The following SGCZ variants were observed in gnomAD, a reference collection of about 807,000 sequenced individuals.
SGCZ encodes zeta-sarcoglycan.
In SGCZ, 40 loss-of-function variants were observed where a neutral mutation model predicts 41.3. The observed-to-expected ratio is 0.97, with a 90% confidence interval of 0.75 to 1.26. SGCZ has a LOEUF of 1.26. Among genes scored for constraint, SGCZ ranks in the 50% most tolerant of loss-of-function variants. The probability of loss-of-function intolerance (pLI) is 0.00; values close to 1 mark genes in which losing one functional copy is unlikely to be tolerated. For synonymous variants in SGCZ, 206 were observed against 137.5 expected (o/e 1.50, Z -3.49); for missense variants, 552 against 369.8 (o/e 1.49, Z -4.04).
chr8:14,091,804 C>G (rs894189491), intron 7 of SGCZ, among the ~76,000 whole-genome samples: 3 of 152,094 alleles, frequency 2.0e-5, no homozygotes, highest in Non-Finnish European at 4.4e-5. Context: ...ATGATAGTTT[C>G]TTTTGCTGGG....
rs572015361 is a variant in SGCZ, at chr8:14,281,033, T to C, written c.336+43070A>G. Among the ~76,000 whole-genome samples the C allele has an allele frequency of 4.6e-5, 7 of 152,060 alleles. No individual in the cohort carries two copies. The South Asian group carries it at 8.3e-4, about 18-fold the overall frequency. ...AAATTTATTTCCCTGCTAATCTATA[T>C]ACTTCATCACAACTATAAAATTTGA... On this transcript the variant is annotated intron_variant, in intron 3 of 7. Coordinates refer to ENST00000382080, the MANE Select transcript of SGCZ (RefSeq NM_139167.4).
chr8:15,116,457 AG>A (rs1486194800), intron 1 of SGCZ, among the ~76,000 whole-genome samples: 1 of 152,166 alleles, frequency 6.6e-6, no homozygotes, highest in Non-Finnish European at 1.5e-5. Context: ...GTGAGTGAAA[AG>A]TTTAGCATAT....
At chr8:14,317,800 C>G (rs1801766911) in intron 3 of SGCZ, among the ~76,000 whole-genome samples, 1 of 151,822 alleles carries the variant, frequency 6.6e-6, no homozygotes, top group Admixed American at 6.6e-5. Context: ...TTTGCACCAA[C>G]CTAACACAAA....
rs551966677 is a variant in SGCZ at position 14,319,124 on chromosome 8, T to C, written c.336+4979A>G. Among the ~76,000 whole-genome samples the C allele has an allele frequency of 3.3e-5, 5 of 152,140 alleles. No homozygotes were observed. In the South Asian group the frequency reaches 1.0e-3, roughly 31 times the overall value. The stretch of plus-strand genomic sequence containing the variant: ...CAAAGATGACCTAACATAAGAATTA[T>C]TGCTTTCTCTGAAGTAGAAGAAACC... On this transcript the variant is annotated intron_variant, in intron 3 of 7. Coordinates refer to ENST00000382080, the MANE Select transcript of SGCZ (RefSeq NM_139167.4).
chr8:14,431,493 G>C (rs760241812), intron 2 of SGCZ, among the ~76,000 whole-genome samples: 2 of 152,082 alleles, frequency 1.3e-5, no homozygotes, highest in Non-Finnish European at 2.9e-5. Context: ...CCACATGTAG[G>C]AGAATGAAAC....
At chr8:15,097,849 TA>T (rs1806422385) in intron 1 of SGCZ, among the ~76,000 whole-genome samples, 1 of 9,316 alleles carries the variant, frequency 1.1e-4, no homozygotes, top group Admixed American at 1.6e-3. Flanking sequence ...TGTGTATATA[TA>T]TATATACGTG....
At chr8:14,440,819 G>T (rs1800237285) in intron 2 of SGCZ, among the ~76,000 whole-genome samples, 4 of 128,620 alleles carry the variant, frequency 3.1e-5, no homozygotes, top group Non-Finnish European at 1.6e-5. Context: ...GTATACACAT[G>T]CATATATACA....
At chr8:14,176,433 TAGTA>T (rs1259342744) in intron 4 of SGCZ, among the ~76,000 whole-genome samples, 3 of 152,200 alleles carry the variant, frequency 2.0e-5, no homozygotes, top group Admixed American at 6.5e-5. Context: ...TAACTGTAAT[TAGTA>T]AGTGTTTCAA....
At chr8:14,751,709 C>T (rs1015304335) in intron 1 of SGCZ, among the ~76,000 whole-genome samples, 7 of 152,082 alleles carry the variant, frequency 4.6e-5, no homozygotes, top group African/African-American at 7.2e-5. Context: ...CCACCATGCC[C>T]GGCTAATTTT....
At chr8:15,189,636 C>A (rs1329419779) in intron 1 of SGCZ, among the ~76,000 whole-genome samples, 1 of 152,048 alleles carries the variant, frequency 6.6e-6, no homozygotes, top group Non-Finnish European at 1.5e-5. Context: ...TCTCAGAGCC[C>A]AGCTCACTGG....
intron 1 of SGCZ, among the ~76,000 whole-genome samples, chr8:15,097,556 C>T (rs1806393600): frequency 6.6e-6 from 1 of 151,570 alleles, no homozygotes. Flanking sequence ...TTGAGACAAG[C>T]TTGCACAACA....
intron 1 of SGCZ, among the ~76,000 whole-genome samples, chr8:14,795,229 G>A (rs1801085159): frequency 6.6e-6 from 1 of 152,110 alleles, no homozygotes; most frequent in African/African-American, 2.4e-5. Flanking sequence ...ATTGACTAAA[G>A]CATACATATG....
intron 1 of SGCZ, among the ~76,000 whole-genome samples, chr8:14,682,594 C>A (rs1352851836): frequency 6.6e-6 from 1 of 151,980 alleles, no homozygotes; most frequent in East Asian, 1.9e-4. Context: ...ACCACCACGC[C>A]CGGCTAATTT....
At chr8:14,855,008 A>G (rs1322887929) in intron 1 of SGCZ, among the ~76,000 whole-genome samples, 1 of 151,118 alleles carries the variant, frequency 6.6e-6, no homozygotes, top group Non-Finnish European at 1.5e-5. Context: ...ACCTCCCTCA[A>G]GATCTAACTT....
At chr8:14,957,800 G>C (rs1256790555) in intron 1 of SGCZ, among the ~76,000 whole-genome samples, 3 of 151,964 alleles carry the variant, frequency 2.0e-5, no homozygotes, top group Non-Finnish European at 4.4e-5. Flanking sequence ...GCTGTAGTTG[G>C]AAATATACAT....
chr8:14,684,278 C>A (rs2117549965), intron 1 of SGCZ, among the ~76,000 whole-genome samples: 1 of 152,256 alleles, frequency 6.6e-6, no homozygotes, highest in Admixed American at 6.5e-5. Context: ...CTATAAACAA[C>A]AGCTTGTTTT....
intron 3 of SGCZ, among the ~76,000 whole-genome samples, chr8:14,275,058 G>C (rs1800182561): frequency 2.6e-5 from 4 of 152,152 alleles, no homozygotes; most frequent in Admixed American, 2.6e-4. Flanking sequence ...GGATCAGTGA[G>C]TTGAATCTTT....
chr8:14,421,200 T>C (rs909580419), intron 2 of SGCZ, among the ~76,000 whole-genome samples: 1 of 152,096 alleles, frequency 6.6e-6, no homozygotes, highest in East Asian at 1.9e-4. Context: ...GTATCATAAA[T>C]ACCAAAAAGG....
At chr8:14,176,496 T>A (rs756895364) in intron 4 of SGCZ, among the ~76,000 whole-genome samples, 19 of 152,216 alleles carry the variant, frequency 1.2e-4, no homozygotes, top group Non-Finnish European at 2.5e-4. Context: ...TATTACCAAG[T>A]CAGTACTGAC....
Sources: allele counts gnomAD v4.1 joint callset (sites outside exome capture counted in the v4.1 genomes callset), GRCh38; gene constraint gnomAD v4.1.1; transcripts MANE v1.5; gene names NCBI Gene and HGNC (gene_info 2026-07-23, HGNC 2026-07-21).